Variants in TRERF1 observed in about 807,000 individuals in gnomAD.
TRERF1 encodes transcriptional-regulating factor 1.
Under a neutral mutation model 122.9 loss-of-function variants are expected in TRERF1, and 27 were observed. The observed-to-expected ratio is 0.22, with a 90% CI of 0.16 to 0.30. The LOEUF (loss-of-function observed/expected upper bound fraction) is 0.30. Among genes scored for constraint, TRERF1 ranks in the 10% least tolerant of loss-of-function variants. The pLI, the probability that TRERF1 is intolerant of heterozygous loss-of-function variation, is 1.00. For synonymous variants in TRERF1, 636 were observed against 641.7 expected (o/e 0.99, Z 0.13); for missense variants, 1,248 against 1,560.3 (o/e 0.80, Z 3.37).
intron 4 of TRERF1, among the ~76,000 whole-genome samples, chr6:42,300,347 T>C (rs1785949262): frequency 6.6e-6 from 1 of 152,156 alleles, no homozygotes; most frequent in African/African-American, 2.4e-5. Flanking sequence ...ATTCCCTGGA[T>C]ACCCCATCCT....
At chr6:42,293,695 C>T (rs1484560706) in intron 4 of TRERF1, among the ~76,000 whole-genome samples, 1 of 151,970 alleles carries the variant, frequency 6.6e-6, no homozygotes, top group Admixed American at 6.6e-5. Flanking sequence ...GAAATCTAAA[C>T]ATTTTCAGAT....
chr6:42,341,076 A>G (rs1767211491), intron 3 of TRERF1, among the ~76,000 whole-genome samples: 1 of 152,188 alleles, frequency 6.6e-6, no homozygotes, highest in African/African-American at 2.4e-5. Flanking sequence ...ATCCTTCCAG[A>G]TTTGGGTGCA....
At chr6:42,238,118 C>T (rs759256959) in intron 15 of TRERF1, among the ~76,000 whole-genome samples, 5 of 151,790 alleles carry the variant, frequency 3.3e-5, no homozygotes, top group Non-Finnish European at 7.3e-5. Flanking sequence ...ATCTTTCCAC[C>T]CCAAAGAGTT....
chr6:42,302,368 G>C (rs1236898262), intron 3 of TRERF1, among the ~76,000 whole-genome samples: 1 of 152,170 alleles, frequency 6.6e-6, no homozygotes, highest in African/African-American at 2.4e-5. Context: ...GAATGTTTAA[G>C]AGAAAGTGCT....
At chr6:42,440,852 C>G (rs950357294) in intron 2 of TRERF1, among the ~76,000 whole-genome samples, 1 of 151,940 alleles carries the variant, frequency 6.6e-6, no homozygotes, top group African/African-American at 2.4e-5. Context: ...GGGTGAGAAG[C>G]GGGGATGGAG....
chr6:42,249,817 T>C (rs771535656), intron 13 of TRERF1, among the ~76,000 whole-genome samples: 53 of 152,158 alleles, frequency 3.5e-4, no homozygotes, highest in Non-Finnish European at 5.4e-4. Context: ...TAGTGTCTGC[T>C]CAACAGGGTG....
intron 3 of TRERF1, among the ~76,000 whole-genome samples, chr6:42,349,068 G>A (rs1768885140): frequency 6.6e-6 from 1 of 152,166 alleles, no homozygotes; most frequent in African/African-American, 2.4e-5. Flanking sequence ...AGAAGGCTCT[G>A]TATAATGCAC....
At chr6:42,392,524 G>T (rs1185181249) in intron 2 of TRERF1, among the ~76,000 whole-genome samples, 1 of 152,108 alleles carries the variant, frequency 6.6e-6, no homozygotes, top group East Asian at 1.9e-4. Flanking sequence ...CAGTTTTTAG[G>T]CTAACTAACT....
chr6:42,284,559 T>C (rs770223241), intron 4 of TRERF1, among the ~76,000 whole-genome samples: 8 of 152,226 alleles, frequency 5.3e-5, no homozygotes, highest in Non-Finnish European at 7.3e-5. Flanking sequence ...TTTGCATTCA[T>C]AGTTCATTGG....
At chr6:42,423,544 G>C (rs1783126751) in intron 2 of TRERF1, among the ~76,000 whole-genome samples, 1 of 152,000 alleles carries the variant, frequency 6.6e-6, no homozygotes, top group South Asian at 2.1e-4. Flanking sequence ...AGATCTCCCA[G>C]CACCACCTTG....
intron 2 of TRERF1, among the ~76,000 whole-genome samples, chr6:42,404,706 C>T (rs1779923272): frequency 1.3e-5 from 2 of 151,716 alleles, no homozygotes; most frequent in African/African-American, 4.9e-5. Flanking sequence ...ACCGTCTAAC[C>T]GCTCTCTGTG....
intron 3 of TRERF1, among the ~76,000 whole-genome samples, chr6:42,341,213 C>G (rs1259912818): frequency 1.3e-5 from 2 of 152,232 alleles, no homozygotes; most frequent in African/African-American, 2.4e-5. Flanking sequence ...CTTAACTCTT[C>G]CAAGCCTCGG....
At chr6:42,225,575 T>C (rs1769405938) in exon 18 of TRERF1, 1 of 151,972 alleles carries the variant, frequency 6.6e-6, no homozygotes, top group South Asian at 2.1e-4. Context: ...CACTAGATAT[T>C]ATGATGTCAA....
At chr6:42,435,775 A>G (rs1562207559) in intron 2 of TRERF1, among the ~76,000 whole-genome samples, 2 of 151,626 alleles carry the variant, frequency 1.3e-5, no homozygotes, top group African/African-American at 4.8e-5. Context: ...AGAGATCGAG[A>G]TCATCCTGGC....
intron 3 of TRERF1, among the ~76,000 whole-genome samples, chr6:42,330,983 GTTTT>G (rs796091831): frequency 6.6e-6 from 1 of 151,888 alleles, no homozygotes. Flanking sequence ...CCGACCAGAT[GTTTT>G]TTTTAACGGG....
intron 10 of TRERF1, 21 bp from the exon 11 acceptor site, chr6:42,257,123 AACAACAAT>A: frequency 6.2e-7 from 1 of 1,613,574 alleles, no homozygotes; most frequent in Non-Finnish European, 8.5e-7. Context: ...CAAGAAGAAA[AACAACAAT>A]GTGGTCTTCA....
At chr6:42,326,985 T>C (rs1043513965) in intron 3 of TRERF1, among the ~76,000 whole-genome samples, 1 of 152,132 alleles carries the variant, frequency 6.6e-6, no homozygotes, top group Non-Finnish European at 1.5e-5. Context: ...AGAAGCATAG[T>C]ATCTCTTCTA....
At chr6:42,273,562 G>T (rs1038361377) in intron 4 of TRERF1, among the ~76,000 whole-genome samples, 2 of 152,182 alleles carry the variant, frequency 1.3e-5, no homozygotes, top group Admixed American at 6.5e-5. Flanking sequence ...GGACCAGGAA[G>T]GGTATTCCAG....
At chr6:42,445,085 A>G (rs1427792914) in intron 2 of TRERF1, among the ~76,000 whole-genome samples, 5 of 152,124 alleles carry the variant, frequency 3.3e-5, no homozygotes, top group African/African-American at 1.2e-4. Flanking sequence ...CCTGGCCAAC[A>G]TGGTGAAACC....
Sources: allele counts gnomAD v4.1 joint callset (sites outside exome capture counted in the v4.1 genomes callset), GRCh38; gene constraint gnomAD v4.1.1; transcripts MANE v1.5; gene names NCBI Gene and HGNC (gene_info 2026-07-23, HGNC 2026-07-21).